The following GRIP1 variants were observed in gnomAD, a reference collection of about 807,000 sequenced individuals.
The protein encoded by GRIP1 is glutamate receptor interacting protein 1.
In GRIP1, 45 loss-of-function variants were observed where a neutral mutation model predicts 129.9. The observed-to-expected ratio is 0.35, with a 90% CI of 0.27 to 0.44. GRIP1 has a LOEUF of 0.44. Among genes scored for constraint, GRIP1 ranks in the 20% least tolerant of loss-of-function variants. GRIP1 has a pLI of 1.00. For synonymous variants in GRIP1, 530 were observed against 520.8 expected (o/e 1.02, Z -0.24); for missense variants, 1,196 against 1,396.8 (o/e 0.86, Z 2.29).
At chr12:66,754,302 T>A (rs1232876293) in intron 1 of GRIP1, among the ~76,000 whole-genome samples, 1 of 152,188 alleles carries the variant, frequency 6.6e-6, no homozygotes, top group Non-Finnish European at 1.5e-5. Context: ...AGGTTTATAG[T>A]CTATGTTATC....
chr12:66,457,896 A>G (rs1049948024), intron 9 of GRIP1, among the ~76,000 whole-genome samples: 1 of 152,238 alleles, frequency 6.6e-6, no homozygotes, highest in African/African-American at 2.4e-5. Flanking sequence ...AATGGAGATC[A>G]TGAAATCATC....
chr12:66,379,957 G>A (rs1003958012), intron 19 of GRIP1, among the ~76,000 whole-genome samples: 3 of 152,116 alleles, frequency 2.0e-5, no homozygotes, highest in African/African-American at 7.2e-5. Context: ...CCAGGATGGA[G>A]TACAGTGGTA....
At chr12:66,413,010 G>C (rs6581683) in intron 15 of GRIP1, among the ~76,000 whole-genome samples, 74,941 of 152,002 alleles carry the variant, frequency 0.49, 22,127 homozygotes, top group Non-Finnish European at 0.66. Context: ...AGTGACAGTG[G>C]GATATTGTAA....
chr12:66,556,356 TAAA>T (rs1280132540), intron 2 of GRIP1, among the ~76,000 whole-genome samples: 6 of 151,970 alleles, frequency 3.9e-5, no homozygotes, highest in Non-Finnish European at 8.8e-5. Flanking sequence ...GAAGGAGAAA[TAAA>T]GACCTTCCTA....
chr12:66,853,277 G>C (rs1296569278), intron 1 of GRIP1, among the ~76,000 whole-genome samples: 2 of 151,802 alleles, frequency 1.3e-5, no homozygotes, highest in African/African-American at 2.4e-5. Flanking sequence ...TCTTTCTCAT[G>C]TGGGGCAAGC....
intron 7 of GRIP1, among the ~76,000 whole-genome samples, chr12:66,507,445 GA>G (rs11381147): frequency 2.5e-4 from 36 of 145,830 alleles, no homozygotes; most frequent in East Asian, 4.1e-4. Flanking sequence ...TTCAAAAAAA[GA>G]AAAAAAAAAA....
At chr12:66,682,972 G>A (rs1592739625), upstream of GRIP1, among the ~76,000 whole-genome samples, 1 of 152,030 alleles carries the variant, frequency 6.6e-6, no homozygotes, top group African/African-American at 2.4e-5. Context: ...GCTTAAAAAT[G>A]CTTAACATGC....
chr12:67,050,124 T>C (rs556698607), intron 1 of GRIP1, among the ~76,000 whole-genome samples: 1 of 152,312 alleles, frequency 6.6e-6, no homozygotes, highest in African/African-American at 2.4e-5. Context: ...GATATTAAAC[T>C]TTTGTCTTTT....
chr12:66,741,192 A>G (rs1016599745), intron 1 of GRIP1, among the ~76,000 whole-genome samples: 5 of 152,218 alleles, frequency 3.3e-5, no homozygotes, highest in African/African-American at 7.2e-5. Context: ...TGCTTTTTGT[A>G]TAGGATATCT....
chr12:66,512,376 T>G (rs1183064697), intron 7 of GRIP1, among the ~76,000 whole-genome samples: 3 of 152,096 alleles, frequency 2.0e-5, no homozygotes, highest in African/African-American at 7.2e-5. Context: ...TTGAATGGTT[T>G]TGACCAAAAT....
intron 6 of GRIP1, among the ~76,000 whole-genome samples, chr12:66,517,159 C>G (rs2060869015): frequency 6.6e-6 from 1 of 152,132 alleles, no homozygotes; most frequent in African/African-American, 2.4e-5. Context: ...TCCTCCCCTT[C>G]AACAATCTCT....
chr12:66,448,928 C>A (rs1301196844), intron 11 of GRIP1, among the ~76,000 whole-genome samples: 2 of 152,174 alleles, frequency 1.3e-5, no homozygotes, highest in Non-Finnish European at 2.9e-5. Context: ...TAGGACCCTT[C>A]ATCAGTTCCT....
chr12:66,411,101 T>C (rs2057384281), intron 15 of GRIP1, among the ~76,000 whole-genome samples: 1 of 152,158 alleles, frequency 6.6e-6, no homozygotes, highest in Non-Finnish European at 1.5e-5. Context: ...GTGGTCTGGA[T>C]GAGGGTGGTT....
intron 1 of GRIP1, among the ~76,000 whole-genome samples, chr12:66,728,507 G>T (rs984121384): frequency 6.6e-6 from 1 of 152,126 alleles, no homozygotes; most frequent in African/African-American, 2.4e-5. Context: ...AGAAGAACAC[G>T]CCCTTTCTCT....
chr12:66,949,902 G>A (rs1828177513), intron 1 of GRIP1, among the ~76,000 whole-genome samples: 1 of 151,494 alleles, frequency 6.6e-6, no homozygotes, highest in Non-Finnish European at 1.5e-5. Flanking sequence ...CCGAGTAGCT[G>A]GGACTACAGG....
intron 1 of GRIP1, among the ~76,000 whole-genome samples, chr12:66,964,307 T>C (rs980769999): frequency 2.0e-5 from 3 of 152,290 alleles, no homozygotes; most frequent in Admixed American, 6.5e-5. Flanking sequence ...AAAGGACTTA[T>C]GTTCTAGAGG....
intron 2 of GRIP1, among the ~76,000 whole-genome samples, chr12:66,578,801 G>C (rs1211542686): frequency 6.6e-6 from 1 of 152,226 alleles, no homozygotes; most frequent in Non-Finnish European, 1.5e-5. Flanking sequence ...AGGCCTGCCT[G>C]CCTCCGTAGG....
At chr12:66,949,903 G>T (rs1012234518) in intron 1 of GRIP1, among the ~76,000 whole-genome samples, 9 of 151,568 alleles carry the variant, frequency 5.9e-5, no homozygotes, top group African/African-American at 2.2e-4. Flanking sequence ...CGAGTAGCTG[G>T]GACTACAGGT....
chr12:66,905,769 C>T (rs577898182), intron 1 of GRIP1, among the ~76,000 whole-genome samples: 7 of 152,234 alleles, frequency 4.6e-5, no homozygotes, highest in African/African-American at 1.4e-4. Context: ...ATGCTCTTGG[C>T]AATGCTCAGT....
Sources: gnomAD v4.1 joint callset for allele counts (sites outside exome capture counted in the v4.1 genomes callset) on GRCh38, gnomAD v4.1.1 for gene constraint, MANE v1.5 for transcripts, NCBI Gene and HGNC (gene_info 2026-07-23, HGNC 2026-07-21) for gene names.